SYN3: variants seen among roughly 807,000 people sequenced by gnomAD.
The protein encoded by SYN3 is synapsin-3.
Under a neutral mutation model 65.8 loss-of-function variants are expected in SYN3, and 35 were observed. The ratio of observed to expected loss-of-function variants is 0.53; its 90% CI spans 0.41 to 0.70. The LOEUF is 0.70. Ranked by LOEUF, SYN3 falls within the 30% of genes least tolerant of loss-of-function variation. The probability of loss-of-function intolerance (pLI) is 0.00; values close to 1 mark genes in which losing one functional copy is unlikely to be tolerated. For missense variants in SYN3, 680 were observed against 749.0 expected (o/e 0.91, Z 1.08); for synonymous variants, 270 against 292.9 (o/e 0.92, Z 0.80).
intron 7 of SYN3, among the ~76,000 whole-genome samples, chr22:32,566,726 TG>T (rs1477241543): frequency 6.6e-6 from 1 of 152,176 alleles, no homozygotes; most frequent in Non-Finnish European, 1.5e-5. Context: ...TTAAGAAACT[TG>T]GCTGAGAAGG....
At chr22:32,807,962 A>T (rs1335089729) in intron 6 of SYN3, among the ~76,000 whole-genome samples, 1 of 152,114 alleles carries the variant, frequency 6.6e-6, no homozygotes, top group African/African-American at 2.4e-5. Context: ...ATTTTTATTG[A>T]CTTACTGAGT....
At chr22:32,650,236 TCCCTCCCTCCCTCCCTCCCTCCC>T (rs2060045427) in intron 6 of SYN3, among the ~76,000 whole-genome samples, 15 of 82,048 alleles carry the variant, frequency 1.8e-4, no homozygotes, top group African/African-American at 5.0e-4. Context: ...TCTCTCTCCC[TCCCTCCCTCCCTCCCTCCCTCCC>T]TCTCTCTCTC....
intron 2 of SYN3, among the ~76,000 whole-genome samples, chr22:32,989,256 T>C (rs241721): frequency 0.64 from 97,087 of 152,004 alleles, 31,515 homozygotes; most frequent in East Asian, 0.78. Flanking sequence ...GACATTACTA[T>C]ATCTGCTGTA....
At chr22:32,998,234 A>G (rs1361057918) in intron 2 of SYN3, among the ~76,000 whole-genome samples, 2 of 152,158 alleles carry the variant, frequency 1.3e-5, no homozygotes, top group Non-Finnish European at 2.9e-5. Flanking sequence ...TGATGATCAT[A>G]CAGCGTAATA....
In SYN3 at chr22:33,010,862, T is replaced by C. The variant is rs945775862; in HGVS notation, c.-162-4038A>G. Among the ~76,000 whole-genome samples, 5 of 152,308 alleles carry C rather than the reference T, an allele frequency of 3.3e-5. No individual in the cohort carries two copies. The East Asian group carries it at 9.6e-4, about 29-fold the overall frequency. The stretch of plus-strand genomic sequence containing the variant: ...TTTATTCCTATTTCGTTTGGGGTTT[T>C]TTGCATGTTTTTAAAATGACACTGT... On this transcript the variant is annotated intron_variant, in intron 1 of 13. Transcript: ENST00000358763.
chr22:32,541,638 C>T lies in SYN3; in HGVS notation c.850G>A (p.Glu284Lys), dbSNP rs775238041. Residue 284 changes from glutamate (E) to lysine (K), a missense_variant, in exon 8 of 14, where the codon GAG becomes AAG. By Grantham distance (56) the Glu-to-Lys change is moderately conservative (BLOSUM62 1). Transcript: ENST00000358763. ...TCGTACTTGGAGTCGATGAAGGCCT[C>T]GGTGGTGGCGTAGGTTTTGGCCATG... ...VAMAKTYATT[E>K]AFIDSKYDIR... is the part of the protein sequence containing the mutation. 3.5e-5 allele frequency: 57 copies of T among 1,613,920 alleles called. No homozygotes were observed. Among genetic ancestry groups the T allele is most frequent in the Non-Finnish European group, 4.5e-5 (53 of 1,180,004 alleles).
intron 2 of SYN3, among the ~76,000 whole-genome samples, chr22:32,998,791 A>AAAC (rs60425395): frequency 0.31 from 44,200 of 142,336 alleles, 8,152 homozygotes; most frequent in Non-Finnish European, 0.41. Flanking sequence ...AAAAAAAAAA[A>AAAC]AAAAAAAACA....
chr22:32,553,812 C>T (rs1263722528), intron 7 of SYN3, among the ~76,000 whole-genome samples: 1 of 152,178 alleles, frequency 6.6e-6, no homozygotes, highest in Non-Finnish European at 1.5e-5. Context: ...AGCATCCCAG[C>T]CTTTGGGGTT....
At chr22:32,616,517 TGTCATAGTGCTGA>T (rs1333093177) in intron 6 of SYN3, among the ~76,000 whole-genome samples, 1 of 152,094 alleles carries the variant, frequency 6.6e-6, no homozygotes, top group Non-Finnish European at 1.5e-5. Flanking sequence ...ACGAGAGGCC[TGTCATAGTGCTGA>T]GTATAATAGC....
At chr22:32,611,496 G>A (rs543887106) in intron 6 of SYN3, among the ~76,000 whole-genome samples, 26 of 152,056 alleles carry the variant, frequency 1.7e-4, no homozygotes, top group Admixed American at 8.5e-4. Context: ...GATTCACTAT[G>A]TTGGCCAGGC....
chr22:32,703,959 A>G (rs1267411332), intron 6 of SYN3, among the ~76,000 whole-genome samples: 1 of 152,194 alleles, frequency 6.6e-6, no homozygotes, highest in Non-Finnish European at 1.5e-5. Context: ...CCTAAAATAA[A>G]TATTTAAATT....
At chr22:32,847,914 C>A (rs1199190552) in intron 6 of SYN3, among the ~76,000 whole-genome samples, 2 of 152,246 alleles carry the variant, frequency 1.3e-5, no homozygotes, top group African/African-American at 4.8e-5. Context: ...ACCCTCATCA[C>A]ACCCCCTGAT....
intron 1 of SYN3, among the ~76,000 whole-genome samples, chr22:33,055,373 C>T (rs578177266): frequency 1.3e-5 from 2 of 152,342 alleles, no homozygotes; most frequent in African/African-American, 4.8e-5. Flanking sequence ...TCCTCCACCT[C>T]GCGGTCTTTG....
chr22:32,674,020 G>A (rs1472187735), intron 6 of SYN3, among the ~76,000 whole-genome samples: 1 of 152,104 alleles, frequency 6.6e-6, no homozygotes. Flanking sequence ...CGGGGAGGCT[G>A]TTGCTGAAAC....
At chr22:32,759,219 T>C (rs190508330) in intron 6 of SYN3, among the ~76,000 whole-genome samples, 3 of 152,114 alleles carry the variant, frequency 2.0e-5, no homozygotes, top group Admixed American at 2.0e-4. Context: ...CCAGCACACA[T>C]GAGGTGTTCA....
At chr22:32,875,883 C>A (rs929797635) in intron 4 of SYN3, among the ~76,000 whole-genome samples, 2 of 152,134 alleles carry the variant, frequency 1.3e-5, no homozygotes, top group Non-Finnish European at 2.9e-5. Flanking sequence ...AGCCACCCAA[C>A]CTGTGGTGCT....
At chr22:32,674,173 T>C (rs769070740) in intron 6 of SYN3, among the ~76,000 whole-genome samples, 141 of 152,186 alleles carry the variant, frequency 9.3e-4, no homozygotes, top group Non-Finnish European at 1.6e-3. Flanking sequence ...ATGCCAGGTT[T>C]CTGGTTTAGC....
rs1205678972 is a variant in SYN3, at chr22:32,515,445, TCTG to T, written c.1611-1624_1611-1622del. 2.0e-5 allele frequency among the ~76,000 whole-genome samples: 3 copies of T among 152,336 alleles called. 1 individual carries two copies. The highest frequency in any genetic ancestry group is 6.8e-3 in the Middle Eastern group (2 of 294). On this transcript the variant is annotated intron_variant, in intron 13 of 13. Transcript: ENST00000358763. ...AAGCACAGCGAGGTTAGGCAACTTATCTGAGGTTGTGTAGTTTTTAAGTGGTGG... is the reference window on the plus strand; with the variant it reads ...AAGCACAGCGAGGTTAGGCAACTTATAGGTTGTGTAGTTTTTAAGTGGTGG...
At chr22:33,012,899 AT>A (rs2053383071) in intron 1 of SYN3, among the ~76,000 whole-genome samples, 1 of 152,188 alleles carries the variant, frequency 6.6e-6, no homozygotes, top group Admixed American at 6.5e-5. Context: ...CAAGGGTCAA[AT>A]CCTGTCCACC....
Sources: gnomAD v4.1 joint callset for allele counts (sites outside exome capture counted in the v4.1 genomes callset) on GRCh38, gnomAD v4.1.1 for gene constraint, MANE v1.5 for transcripts, NCBI Gene and HGNC (gene_info 2026-07-23, HGNC 2026-07-21) for gene names.